The following AOX1 variants were observed in gnomAD, a reference collection of about 807,000 sequenced individuals.
AOX1 encodes the protein aldehyde oxidase.
Under a neutral mutation model 169.5 loss-of-function variants are expected in AOX1, and 153 were observed. The ratio of observed to expected loss-of-function variants is 0.90; its 90% CI spans 0.79 to 1.03. AOX1 has a LOEUF of 1.03. AOX1 is among the 50% of genes least tolerant of loss of function. The probability of loss-of-function intolerance (pLI) is 0.00; values close to 1 mark genes in which losing one functional copy is unlikely to be tolerated. For missense variants in AOX1, 1,656 were observed against 1,663.9 expected, an observed-to-expected ratio of 1.00 and a Z score of 0.08; for synonymous variants, 562 against 581.9, an observed-to-expected ratio of 0.97 and a Z score of 0.49.
chr2:200,680,433 T>A (rs986763076), downstream of AOX1, among the ~76,000 whole-genome samples: 1 of 152,132 alleles, frequency 6.6e-6, no homozygotes, highest in African/African-American at 2.4e-5. Context: ...GAGTCAAAGG[T>A]CACAGGGGAG....
chr2:200,663,049 CT>C, intron 31 of AOX1, 80 bp downstream of exon 31: 1 of 1,086,710 alleles, frequency 9.2e-7, no homozygotes, highest in Non-Finnish European at 1.4e-6. Context: ...CTGAGGAGAG[CT>C]TAGTGAGTGG....
chr2:200,653,661 C>T (rs73051033), intron 26 of AOX1, among the ~76,000 whole-genome samples: 4,123 of 152,296 alleles, frequency 0.027, 190 homozygotes, highest in African/African-American at 0.094. Flanking sequence ...AAACGTGCCC[C>T]ACCTGTGTTA....
intron 27 of AOX1, among the ~76,000 whole-genome samples, chr2:200,657,509 A>G (rs1480531276): frequency 6.6e-6 from 1 of 152,144 alleles, no homozygotes; most frequent in Non-Finnish European, 1.5e-5. Context: ...TTTTATTGCT[A>G]AAGAAAATTA....
At chr2:200,618,603 A>T (rs1223675706) in intron 16 of AOX1, among the ~76,000 whole-genome samples, 2 of 152,132 alleles carry the variant, frequency 1.3e-5, no homozygotes, top group Admixed American at 6.5e-5. Flanking sequence ...TTCTCTCCTG[A>T]TATTCCAGCC....
Position 200,602,478 on chromosome 2 carries a change from T to A in AOX1, c.498+133T>A, listed in dbSNP as rs530410612. ...CTTATCTCCAGGTTTCTAGCTGCTG[T>A]TTGTTATTTGATCTTGAGCAGGGCA... On this transcript the variant is annotated intron_variant, in intron 6 of 34. Transcript: ENST00000374700. The A allele has an allele frequency of 1.8e-5, 14 of 773,622 alleles. No homozygotes were observed. The South Asian group carries it at 1.9e-4, about 11-fold the overall frequency. The allele number at this position is 773,622 out of a possible 1,614,324, so 47.9% of individuals were successfully genotyped here. A position where few individuals can be genotyped will look rare whatever the true frequency, so the allele number is the denominator to read the frequency against.
chr2:200,676,012 A>G (rs117848771), downstream of AOX1, among the ~76,000 whole-genome samples: 4 of 152,148 alleles, frequency 2.6e-5, no homozygotes, highest in East Asian at 7.7e-4. Context: ...ATCAAAAATT[A>G]TGTATGCATG....
At chr2:200,656,229 C>T (rs2035680195) in intron 26 of AOX1, among the ~76,000 whole-genome samples, 1 of 152,194 alleles carries the variant, frequency 6.6e-6, no homozygotes, top group Admixed American at 6.5e-5. Context: ...AGCCATCCTT[C>T]TTTCCTGCTG....
intron 19 of AOX1, among the ~76,000 whole-genome samples, chr2:200,625,039 GA>G (rs2034971936): frequency 6.6e-6 from 1 of 152,068 alleles, no homozygotes. Flanking sequence ...TGATGCTTAG[GA>G]ACATGGAGTT....
At chr2:200,680,008 G>A (rs1669176035), downstream of AOX1, among the ~76,000 whole-genome samples, 2 of 152,184 alleles carry the variant, frequency 1.3e-5, no homozygotes, top group Admixed American at 6.5e-5. Context: ...AAGCCCAAGA[G>A]TTTGAGGCTG....
At position 200,609,303 on chromosome 2, in the gene AOX1, A is replaced by T. The variant is rs1475923470; in HGVS notation, c.1060-18A>T. On this transcript the variant is annotated intron_variant, in intron 11 of 34. Coordinates refer to ENST00000374700, the MANE Select transcript of AOX1 (RefSeq NM_001159.4). Reference sequence around the variant, plus strand: ...TTTTATGATTACATAAATGAAAATAACTCATTATTTTTAAAAGTCTTTAGG... The same window carrying T: ...TTTTATGATTACATAAATGAAAATATCTCATTATTTTTAAAAGTCTTTAGG... The T allele has an allele frequency of 1.2e-6, 2 of 1,610,178 alleles. No individual in the cohort carries two copies. Among genetic ancestry groups the T allele is most frequent in the Non-Finnish European group, 1.7e-6 (2 of 1,176,820 alleles).
At chr2:200,598,752 A>G (rs935863204) in intron 4 of AOX1, among the ~76,000 whole-genome samples, 19 of 152,140 alleles carry the variant, frequency 1.2e-4, no homozygotes, top group African/African-American at 3.6e-4. Flanking sequence ...TCAAAAAAAA[A>G]AAAAGCCACT....
chr2:200,621,999 G>A (rs1006783261), intron 18 of AOX1, among the ~76,000 whole-genome samples: 4 of 152,152 alleles, frequency 2.6e-5, no homozygotes, highest in Non-Finnish European at 5.9e-5. Context: ...TGATCTGCCC[G>A]CCTGGGCCTC....
intron 19 of AOX1, among the ~76,000 whole-genome samples, chr2:200,625,107 CA>C (rs1265372039): frequency 1.3e-5 from 2 of 152,070 alleles, no homozygotes; most frequent in African/African-American, 2.4e-5. Context: ...GTCAAATAGA[CA>C]AAAACGTAGA....
At chr2:200,599,778 A>ATTTT in intron 5 of AOX1, 32 bp downstream of exon 5, 1 of 1,384,934 alleles carries the variant, frequency 7.2e-7, no homozygotes, top group African/African-American at 1.5e-5. Context: ...TTATTTTTTA[A>ATTTT]TTTTTATTTA....
At chr2:200,669,769 AGT>A in intron 34 of AOX1, 27 bp downstream of exon 34, 1 of 1,604,532 alleles carries the variant, frequency 6.2e-7, no homozygotes, top group Non-Finnish European at 8.5e-7. Context: ...GAAAAAAAAT[AGT>A]GATCATAAAA....
downstream of AOX1, chr2:200,671,601 A>G (rs904277339): frequency 6.6e-6 from 1 of 152,154 alleles, no homozygotes; most frequent in Admixed American, 6.5e-5. Context: ...CAAAACCACA[A>G]TGAGCCACCA....
At chr2:200,669,820 G>A (rs546903982) in intron 34 of AOX1, 78 bp downstream of exon 34, 83 of 1,470,222 alleles carry the variant, frequency 5.6e-5, no homozygotes, top group Middle Eastern at 2.4e-4. Flanking sequence ...GTAAGTTTTC[G>A]TGAACGCACT....
In AOX1 at chr2:200,623,919, A is replaced by G; in HGVS notation, c.2060A>G (p.Lys687Arg). ...AVLADSEVQA[K>R]RAAKRVKIVY... ...CTTGCCGATTCTGAGGTTCAGGCAA[A>G]GCGAGCTGCTAAGCGAGTGAAGATT... Residue 687 changes from lysine to arginine, a missense_variant, in exon 19 of 35, where the codon AAG becomes AGG. Transcript: ENST00000374700. 1.2e-6 allele frequency: 2 copies of G among 1,614,144 alleles called. No individual in the cohort carries two copies. The highest frequency in any genetic ancestry group is 1.7e-6 in the Non-Finnish European group (2 of 1,180,000).
At chr2:200,616,433 C>A (rs1012151481) in intron 16 of AOX1, among the ~76,000 whole-genome samples, 1 of 152,200 alleles carries the variant, frequency 6.6e-6, no homozygotes, top group Non-Finnish European at 1.5e-5. Context: ...GGCTGCTTTG[C>A]TTTCATTTTC....
Sources: gnomAD v4.1 joint callset for allele counts (sites outside exome capture counted in the v4.1 genomes callset) on GRCh38, gnomAD v4.1.1 for gene constraint, MANE v1.5 for transcripts, NCBI Gene and HGNC (gene_info 2026-07-23, HGNC 2026-07-21) for gene names.